FBXO42: variants seen among roughly 807,000 people sequenced by gnomAD.
FBXO42 encodes the protein F-box protein 42, also known as F-box only protein 42.
Under a neutral mutation model 71.7 loss-of-function variants are expected in FBXO42, and 12 were observed. The ratio of observed to expected loss-of-function variants is 0.17; its 90% confidence interval spans 0.11 to 0.27. FBXO42 has a LOEUF of 0.27. Among genes scored for constraint, FBXO42 ranks in the 10% least tolerant of loss-of-function variants. FBXO42 has a pLI of 1.00. For missense variants in FBXO42, 707 were observed against 911.9 expected (o/e 0.78, Z 2.89); for synonymous variants, 325 against 327.5 (o/e 0.99, Z 0.08).
chr1:16,305,673 C>A, intron 3 of FBXO42, 130 bp downstream of exon 3: 1 of 746,500 alleles, frequency 1.3e-6, no homozygotes, highest in Non-Finnish European at 2.3e-6. Context: ...GTGATTATGC[C>A]ACTGCACTCC....
intron 3 of FBXO42, among the ~76,000 whole-genome samples, chr1:16,304,074 G>A (rs1380268718): frequency 6.6e-6 from 1 of 151,824 alleles, no homozygotes; most frequent in Non-Finnish European, 1.5e-5. Context: ...CAAAGTGCTG[G>A]GATTAGAGGC....
chr1:16,326,064 G>GTGTGTC (rs2082447597), intron 1 of FBXO42, among the ~76,000 whole-genome samples: 1 of 150,056 alleles, frequency 6.7e-6, no homozygotes, highest in Non-Finnish European at 1.5e-5. Flanking sequence ...GTGTGTCTGT[G>GTGTGTC]TGTGTTTTGA....
intron 1 of FBXO42, among the ~76,000 whole-genome samples, chr1:16,351,851 C>G (rs950878549): frequency 6.6e-6 from 1 of 152,190 alleles, no homozygotes; most frequent in Non-Finnish European, 1.5e-5. Flanking sequence ...TGCTAGCCCC[C>G]AGCCGCAGCC....
chr1:16,315,156 C>G lies in FBXO42; in HGVS notation c.250+13G>C. ...TGAAATCAATAAATAAACCTTTCTC[C>G]TATCCACAGTACCTTTGATAAGTCG... On this transcript the variant is annotated intron_variant, in intron 2 of 9. Coordinates refer to ENST00000375592, the MANE Select transcript of FBXO42 (RefSeq NM_018994.3). The G allele has an allele frequency of 1.3e-6, 2 of 1,589,016 alleles. No individual in the cohort carries two copies. Among genetic ancestry groups the G allele is most frequent in the Non-Finnish European group, 8.6e-7 (1 of 1,166,272 alleles).
At chr1:16,304,648 C>T (rs1037495497) in intron 3 of FBXO42, among the ~76,000 whole-genome samples, 1 of 152,092 alleles carries the variant, frequency 6.6e-6, no homozygotes, top group African/African-American at 2.4e-5. Context: ...AACACCTTGA[C>T]CACTCTGGAG....
chr1:16,253,013 T>C, intron 8 of FBXO42, 83 bp downstream of exon 8: 2 of 1,197,620 alleles, frequency 1.7e-6, no homozygotes. Context: ...TAGTCTTGTA[T>C]ACTCCTAGAA....
chr1:16,325,445 T>C (rs2082441620), intron 1 of FBXO42, among the ~76,000 whole-genome samples: 1 of 152,120 alleles, frequency 6.6e-6, no homozygotes, highest in East Asian at 1.9e-4. Flanking sequence ...GGCATAACCA[T>C]TGTTGCTATT....
chr1:16,344,486 C>CTTTT (rs59077549), intron 1 of FBXO42, among the ~76,000 whole-genome samples: 1 of 87,160 alleles, frequency 1.1e-5, no homozygotes, highest in Non-Finnish European at 2.2e-5. Context: ...ACCCAGCTAA[C>CTTTT]TTTTTTTTTT....
At position 16,250,056 on chromosome 1, in the gene FBXO42, C is replaced by T. The variant is rs1044225689; in HGVS notation, c.*614G>A. 3 of 152,190 alleles carry T rather than the reference C, an allele frequency of 2.0e-5. No homozygotes were observed. The highest frequency in any genetic ancestry group is 7.2e-5 in the African/African-American group (3 of 41,450). 9.4% of individuals were successfully genotyped at this position (152,190 alleles called of 1,614,324 possible). A position where few individuals can be genotyped will look rare whatever the true frequency, so the allele number is the denominator to read the frequency against. On this transcript the variant is annotated 3_prime_UTR_variant, in exon 10 of 10. Coordinates refer to ENST00000375592, the MANE Select transcript of FBXO42 (RefSeq NM_018994.3). This position sits in a 1 kb window ranked among gnomAD's most constrained non-coding sequence, Gnocchi z 4.7. ...AACATTATTTCACAATGACCCGGCA[C>T]ACAAATGTGGAATAAAATCCTTTGT...
intron 4 of FBXO42, among the ~76,000 whole-genome samples, chr1:16,271,700 C>G (rs929215409): frequency 6.6e-6 from 1 of 152,122 alleles, no homozygotes; most frequent in African/African-American, 2.4e-5. Flanking sequence ...CATCCACAGC[C>G]TTTTTTCAAT....
intron 1 of FBXO42, among the ~76,000 whole-genome samples, chr1:16,336,009 G>A (rs1224227843): frequency 6.6e-6 from 1 of 151,414 alleles, no homozygotes; most frequent in Admixed American, 6.6e-5. Context: ...TCGGCTCATT[G>A]CAACCTCACT....
At position 16,253,159 on chromosome 1, in the gene FBXO42, A is replaced by AG. The variant is rs1557568338; in HGVS notation, c.865-8dup. Reference sequence around the variant, plus strand: ...TTGCATCATCTATGACAATCTGAGGAGGGGAAGACATTGAAAATAAACCTA... The same window carrying AG: ...TTGCATCATCTATGACAATCTGAGGAGGGGGAAGACATTGAAAATAAACCTA... On this transcript the variant is annotated splice_polypyrimidine_tract_variant and splice_region_variant and intron_variant, in intron 7 of 9. Transcript: ENST00000375592. 3.7e-6 allele frequency: 6 copies of AG among 1,611,952 alleles called. No individual in the cohort carries two copies. The highest frequency in any genetic ancestry group is 5.1e-6 in the Non-Finnish European group (6 of 1,179,246).
intron 1 of FBXO42, among the ~76,000 whole-genome samples, chr1:16,326,247 G>A (rs2082450369): frequency 1.3e-5 from 2 of 151,178 alleles, no homozygotes; most frequent in Admixed American, 6.6e-5. Flanking sequence ...GCAAAGACGG[G>A]GTTTCTCCAT....
At chr1:16,344,033 T>C (rs554295827) in intron 1 of FBXO42, among the ~76,000 whole-genome samples, 42 of 151,430 alleles carry the variant, frequency 2.8e-4, no homozygotes, top group Admixed American at 2.1e-3. Context: ...GTTTCACTCA[T>C]GTTGCCAAGG....
intron 4 of FBXO42, among the ~76,000 whole-genome samples, chr1:16,274,039 C>T (rs6674875): frequency 0.027 from 4,054 of 152,210 alleles, 184 homozygotes; most frequent in African/African-American, 0.09. Flanking sequence ...TCCATTTACA[C>T]GAAGTTCAAG....
At chr1:16,292,554 C>T (rs1282633422) in intron 4 of FBXO42, 1 of 152,110 alleles carries the variant, frequency 6.6e-6, no homozygotes, top group Non-Finnish European at 1.5e-5. Context: ...GCCTTGGCCT[C>T]CTAAAGTGCT....
At chr1:16,275,316 GAATC>G (rs1442123606) in intron 4 of FBXO42, among the ~76,000 whole-genome samples, 3 of 152,126 alleles carry the variant, frequency 2.0e-5, no homozygotes, top group African/African-American at 7.2e-5. Context: ...TTGAAAAGTA[GAATC>G]AATTAATGCA....
chr1:16,350,769 G>GAAAGAAAC (rs2082695927), intron 1 of FBXO42, among the ~76,000 whole-genome samples: 1 of 139,032 alleles, frequency 7.2e-6, no homozygotes, highest in Non-Finnish European at 1.6e-5. Flanking sequence ...AAGAAAGAAA[G>GAAAGAAAC]AAAGAAAGAA....
chr1:16,301,388 T>G (rs2082192518), intron 3 of FBXO42, among the ~76,000 whole-genome samples: 1 of 151,890 alleles, frequency 6.6e-6, no homozygotes, highest in African/African-American at 2.4e-5. Context: ...GAAGGCTGGG[T>G]GCGGTGGCTC....
Sources: gnomAD v4.1 joint callset for allele counts (sites outside exome capture counted in the v4.1 genomes callset) on GRCh38, gnomAD v4.1.1 for gene constraint, Gnocchi (gnomAD v3.1) non-coding constraint, MANE v1.5 for transcripts, NCBI Gene and HGNC (gene_info 2026-07-23, HGNC 2026-07-21) for gene names.